The following ARL6IP1 variants were observed in gnomAD, a reference collection of about 807,000 sequenced individuals.
ARL6IP1 encodes ARL6 interacting reticulophagy regulator 1.
ARL6IP1 carries 16 observed loss-of-function variants against 30.1 expected under a neutral mutation model. That is an observed-to-expected ratio of 0.53 (90% CI 0.36 to 0.81). The LOEUF (loss-of-function observed/expected upper bound fraction) is 0.81. Ranked by LOEUF, ARL6IP1 falls within the 30% of genes least tolerant of loss-of-function variation. ARL6IP1 has a pLI of 0.01. For missense variants in ARL6IP1, 173 were observed against 242.7 expected (o/e 0.71, Z 1.91); for synonymous variants, 72 against 84.8 (o/e 0.85, Z 0.83).
chr16:18,797,859 C>T, intron 3 of ARL6IP1, 66 bp downstream of exon 3: 1 of 1,564,160 alleles, frequency 6.4e-7, no homozygotes, highest in Non-Finnish European at 8.6e-7. Context: ...TTACAGCATA[C>T]TAATCACAGC....
intron 4 of ARL6IP1, among the ~76,000 whole-genome samples, 158 bp from the exon 5 acceptor site, chr16:18,794,841 C>T (rs1034812354): frequency 3.9e-5 from 6 of 152,104 alleles, no homozygotes; most frequent in Non-Finnish European, 8.8e-5. Context: ...ATTTAAAAAC[C>T]TATTCCATTG....
rs1299313967 is a variant in ARL6IP1, at chr16:18,798,752, T to C, written c.119A>G (p.Glu40Gly). 6.2e-7 allele frequency: 1 copy of C among 1,614,170 alleles called. No individual in the cohort carries two copies. The highest frequency in any genetic ancestry group is 8.5e-7 in the Non-Finnish European group (1 of 1,180,018). The change falls in exon 2 of 6, where the codon GAA (glutamate) becomes GGA (glycine). Residue 40 changes from glutamate (E) to glycine (G), a missense_variant. Glu to Gly is a moderately conservative substitution (Grantham distance 98). Transcript: ENST00000304414. Reference protein sequence around the residue: ...MLMADKVLRWERAWFPPAIMG... With the variant: ...MLMADKVLRWGRAWFPPAIMG... ...GATGGCAGGTGGAAACCAGGCTCTT[T>C]CCCATCGGAGGACTTTATCAGCCAT...
intron 1 of ARL6IP1, among the ~76,000 whole-genome samples, chr16:18,799,943 A>T (rs952242770): frequency 6.6e-6 from 1 of 152,180 alleles, no homozygotes; most frequent in Non-Finnish European, 1.5e-5. Context: ...GCAGTGGATC[A>T]CGCCTGTAAA....
Position 18,791,771 on chromosome 16 carries a change from TG to T in ARL6IP1, c.*1480del. On this transcript the variant is annotated 3_prime_UTR_variant, in exon 6 of 6. Transcript: ENST00000304414. ...AAGTAGTTAATCAGTAGAATATGTA[TG>T]CACACAAAAAATCCAGATAGGAAGA... 1.3e-5 allele frequency: 2 copies of T among 152,486 alleles called. No individual in the cohort carries two copies. Among genetic ancestry groups the T allele is most frequent in the Admixed American group, 1.3e-4 (2 of 15,290 alleles). 9.4% of individuals were successfully genotyped at this position (152,486 alleles called of 1,614,324 possible). A position where few individuals can be genotyped will look rare whatever the true frequency, so the allele number is the denominator to read the frequency against.
intron 3 of ARL6IP1, 119 bp downstream of exon 3, chr16:18,797,806 T>C (rs2030286003): frequency 7.9e-7 from 1 of 1,266,504 alleles, no homozygotes; most frequent in Admixed American, 2.5e-5. Context: ...GCAATAAATC[T>C]AATGCTTAGG....
At chr16:18,801,097 C>CGCTTT in intron 1 of ARL6IP1, 1 of 1,035,120 alleles carries the variant, frequency 9.7e-7, no homozygotes, top group Non-Finnish European at 1.2e-6. Context: ...GGGGCCTGAG[C>CGCTTT]CGCGAAAGCG....
chr16:18,798,191 A>G (rs1314128596), intron 2 of ARL6IP1, 147 bp from the exon 3 acceptor site: 1 of 739,360 alleles, frequency 1.4e-6, no homozygotes, highest in Non-Finnish European at 2.1e-6. Flanking sequence ...GTGGCTTTCC[A>G]GAGGCTTTGT....
At position 18,798,851 on chromosome 16, in the gene ARL6IP1, T is replaced by G; in HGVS notation, c.37-17A>C. On this transcript the variant is annotated splice_polypyrimidine_tract_variant and intron_variant, in intron 1 of 5. Transcript: ENST00000304414. ...CTCTGCAGCCTAAATACCACCGACATTTAAAGTGATCATTTTACCACTCTC... is the reference window on the plus strand; with the variant it reads ...CTCTGCAGCCTAAATACCACCGACAGTTAAAGTGATCATTTTACCACTCTC... 1 of 1,608,280 alleles carries G rather than the reference T, an allele frequency of 6.2e-7. No individual in the cohort carries two copies. The highest frequency in any genetic ancestry group is 1.1e-5 in the South Asian group (1 of 89,864).
chr16:18,800,157 T>C (rs898089355), intron 1 of ARL6IP1, among the ~76,000 whole-genome samples: 5 of 152,186 alleles, frequency 3.3e-5, no homozygotes, highest in Non-Finnish European at 1.5e-5. Flanking sequence ...TTATATTCCA[T>C]GCTTAATACT....
chr16:18,793,378 TA>T lies in ARL6IP1; in HGVS notation c.494-9del, dbSNP rs748985230. On this transcript the variant is annotated splice_polypyrimidine_tract_variant and intron_variant, in intron 5 of 5. Transcript: ENST00000304414. ...GCAATAGTAAGGAAGTCACTTAAAATAAAAAAAAACCCAACATTAAGGAGGC... is the reference window on the plus strand; with the variant it reads ...GCAATAGTAAGGAAGTCACTTAAAATAAAAAAAACCCAACATTAAGGAGGC... The T allele has an allele frequency of 1.4e-4, 212 of 1,480,106 alleles. No homozygotes were observed. Among genetic ancestry groups the T allele is most frequent in the East Asian group, 2.6e-4 (11 of 42,864 alleles). The allele number at this position is 1,480,106 out of a possible 1,614,324, so 91.7% of individuals were successfully genotyped here. A position where few individuals can be genotyped will look rare whatever the true frequency, so the allele number is the denominator to read the frequency against.
chr16:18,795,641 AC>A, intron 3 of ARL6IP1, 60 bp from the exon 4 acceptor site: 1 of 1,073,614 alleles, frequency 9.3e-7, no homozygotes, highest in Non-Finnish European at 1.4e-6. Context: ...AAAACATGAC[AC>A]CCTGTTCAAT....
At chr16:18,794,770 G>A in intron 4 of ARL6IP1, 87 bp from the exon 5 acceptor site, 2 of 932,730 alleles carry the variant, frequency 2.1e-6, no homozygotes, top group East Asian at 2.8e-5. Context: ...AAAGAAGAAT[G>A]TGTTTCAAAG....
Position 18,792,776 on chromosome 16 carries a change from C to G in ARL6IP1, c.*476G>C, listed in dbSNP as rs143161097. On this transcript the variant is annotated 3_prime_UTR_variant, in exon 6 of 6. Coordinates refer to ENST00000304414, the MANE Select transcript of ARL6IP1 (RefSeq NM_015161.3). ...ATGAGGAATGAATCTTAATTGGTCT[C>G]TTCATCAGAAGTGGTAAACTTGGTC... 6.5e-6 allele frequency: 1 copy of G among 152,844 alleles called. No individual in the cohort carries two copies. The highest frequency in any genetic ancestry group is 2.4e-5 in the African/African-American group (1 of 41,566). The allele number at this position is 152,844 out of a possible 1,614,324, so 9.5% of individuals were successfully genotyped here.
intron 1 of ARL6IP1, among the ~76,000 whole-genome samples, chr16:18,800,947 T>A (rs1441130177): frequency 6.6e-6 from 1 of 151,930 alleles, no homozygotes; most frequent in Non-Finnish European, 1.5e-5. Flanking sequence ...GCAGCCTCCC[T>A]GTCGTTTTAA....
rs1249433937 is a variant in ARL6IP1 at position 18,791,861 on chromosome 16, A to G, written c.*1391T>C. 3 of 152,628 alleles carry G rather than the reference A, an allele frequency of 2.0e-5. No homozygotes were observed. The highest frequency in any genetic ancestry group is 3.2e-3 in the Middle Eastern group (1 of 316). 9.5% of individuals were successfully genotyped at this position (152,628 alleles called of 1,614,324 possible). The stretch of plus-strand genomic sequence containing the variant: ...AGTTTTCTTATGAAATAATAAAAAA[A>G]AATCAAACATATGCTACAATGGGCA... On this transcript the variant is annotated 3_prime_UTR_variant, in exon 6 of 6. Transcript: ENST00000304414.
intron 4 of ARL6IP1, chr16:18,795,094 G>A (rs1235281649): frequency 2.4e-5 from 5 of 209,256 alleles, no homozygotes; most frequent in South Asian, 6.7e-5. Flanking sequence ...AGCTCACTGC[G>A]CAAACACAGC....
intron 5 of ARL6IP1, among the ~76,000 whole-genome samples, chr16:18,794,124 G>A (rs576217482): frequency 6.6e-6 from 1 of 151,968 alleles, no homozygotes; most frequent in Non-Finnish European, 1.5e-5. Flanking sequence ...ACTAATTTTT[G>A]TATTTTTAGT....
intron 3 of ARL6IP1, 27 bp from the exon 4 acceptor site, chr16:18,795,608 TA>T: frequency 6.5e-7 from 1 of 1,550,096 alleles, no homozygotes; most frequent in Non-Finnish European, 8.9e-7. Context: ...CCTTTTGCTA[TA>T]AACAAATCGT....
At chr16:18,795,422 T>G (rs2030200604) in intron 4 of ARL6IP1, 42 bp downstream of exon 4, 1 of 1,425,480 alleles carries the variant, frequency 7.0e-7, no homozygotes, top group Non-Finnish European at 9.7e-7. Flanking sequence ...TTGACTCAAA[T>G]CTTAAAATTT....
Sources: allele counts gnomAD v4.1 joint callset (sites outside exome capture counted in the v4.1 genomes callset), GRCh38; gene constraint gnomAD v4.1.1; transcripts MANE v1.5; gene names NCBI Gene and HGNC (gene_info 2026-07-23, HGNC 2026-07-21).